SAMD12: variants seen among roughly 807,000 people sequenced by gnomAD.
SAMD12 encodes sterile alpha motif domain-containing protein 12.
SAMD12 carries 9 observed loss-of-function variants against 15.0 expected under a neutral mutation model. The ratio of observed to expected loss-of-function variants is 0.60; its 90% CI spans 0.36 to 1.05. SAMD12 has a LOEUF of 1.05. Among genes scored for constraint, SAMD12 ranks in the 50% least tolerant of loss-of-function variants. SAMD12 has a pLI of 0.01. For missense variants in SAMD12, 230 were observed against 234.2 expected (o/e 0.98, Z 0.12); for synonymous variants, 86 against 90.1 (o/e 0.96, Z 0.25).
At chr8:118,163,254 A>G in the SAMD12 span, among the ~76,000 whole-genome samples, 1 of 152,006 alleles carries the variant, frequency 6.6e-6, no homozygotes, top group African/African-American at 2.4e-5. Context: ...TAACTTTTAT[A>G]TGTTTTGTAG....
chr8:118,443,007 C>T (rs1227063632), intron 2 of SAMD12, among the ~76,000 whole-genome samples: 1 of 152,180 alleles, frequency 6.6e-6, no homozygotes, highest in Non-Finnish European at 1.5e-5. Flanking sequence ...GCATCCTCAC[C>T]AGCCCACCAT....
At chr8:118,449,815 A>AAAAC (rs1823024807) in intron 2 of SAMD12, among the ~76,000 whole-genome samples, 1 of 138,932 alleles carries the variant, frequency 7.2e-6, no homozygotes, top group African/African-American at 3.0e-5. Context: ...AAAAAAAAAA[A>AAAAC]AACAACAAAA....
At chr8:118,353,197 G>A (rs947472013) in intron 4 of SAMD12, among the ~76,000 whole-genome samples, 4 of 146,760 alleles carry the variant, frequency 2.7e-5, no homozygotes, top group African/African-American at 1.1e-4. Flanking sequence ...ATGTTCTCTT[G>A]TTACTACATG....
the SAMD12 span, among the ~76,000 whole-genome samples, chr8:118,132,536 C>G: frequency 6.6e-6 from 1 of 152,154 alleles, no homozygotes; most frequent in Non-Finnish European, 1.5e-5. Context: ...CATAGTAGCT[C>G]AGGCAGAACC....
At chr8:118,253,097 C>T (rs997140853) in intron 4 of SAMD12, among the ~76,000 whole-genome samples, 1 of 152,196 alleles carries the variant, frequency 6.6e-6, no homozygotes, top group Non-Finnish European at 1.5e-5. Flanking sequence ...AATGTGGCTG[C>T]TTTAGTGAGA....
chr8:118,434,468 A>T (rs1440080957), intron 3 of SAMD12, among the ~76,000 whole-genome samples: 1 of 152,204 alleles, frequency 6.6e-6, no homozygotes, highest in Non-Finnish European at 1.5e-5. Flanking sequence ...TCACCTCTGA[A>T]AACAAGCCTT....
At chr8:118,478,892 GAAAA>G (rs1246187425) in intron 2 of SAMD12, among the ~76,000 whole-genome samples, 2 of 152,304 alleles carry the variant, frequency 1.3e-5, no homozygotes, top group Admixed American at 1.3e-4. Context: ...CCCAAGCAAT[GAAAA>G]TATGTCATAA....
intron 3 of SAMD12, among the ~76,000 whole-genome samples, chr8:118,385,800 C>T (rs554982570): frequency 6.6e-6 from 1 of 152,232 alleles, no homozygotes; most frequent in Admixed American, 6.5e-5. Context: ...CAAATTGATG[C>T]TCTCAAGACT....
intron 1 of SAMD12, among the ~76,000 whole-genome samples, chr8:118,584,254 G>T (rs910853932): frequency 6.6e-6 from 1 of 152,080 alleles, no homozygotes; most frequent in Non-Finnish European, 1.5e-5. Context: ...AACCATTTTT[G>T]ATAGACTTTG....
At chr8:118,315,944 T>A (rs1393377627) in intron 4 of SAMD12, among the ~76,000 whole-genome samples, 5 of 152,184 alleles carry the variant, frequency 3.3e-5, no homozygotes, top group Non-Finnish European at 7.4e-5. Context: ...GAGATTTCTG[T>A]TACCATCTTC....
At chr8:118,460,238 T>C (rs1823375553) in intron 2 of SAMD12, among the ~76,000 whole-genome samples, 1 of 152,184 alleles carries the variant, frequency 6.6e-6, no homozygotes, top group African/African-American at 2.4e-5. Context: ...TAATCACACA[T>C]GGCATTGTAC....
At chr8:118,447,817 C>A (rs1354978580) in intron 2 of SAMD12, among the ~76,000 whole-genome samples, 1 of 151,698 alleles carries the variant, frequency 6.6e-6, no homozygotes, top group African/African-American at 2.4e-5. Context: ...GCTCCGCCTC[C>A]CGGGTTCACA....
intron 2 of SAMD12, among the ~76,000 whole-genome samples, chr8:118,479,934 G>A (rs1345613796): frequency 6.6e-6 from 1 of 152,078 alleles, no homozygotes; most frequent in South Asian, 2.1e-4. Flanking sequence ...GAGGGAAGGA[G>A]GGCAAAGGAG....
intron 3 of SAMD12, among the ~76,000 whole-genome samples, chr8:118,419,834 CT>C (rs1586698351): frequency 6.6e-6 from 1 of 152,304 alleles, no homozygotes; most frequent in East Asian, 1.9e-4. Flanking sequence ...TAGAAGGACA[CT>C]GTGGCAACAT....
intron 4 of SAMD12, among the ~76,000 whole-genome samples, chr8:118,317,086 G>A (rs1815956526): frequency 6.6e-6 from 1 of 152,088 alleles, no homozygotes; most frequent in Admixed American, 6.6e-5. Context: ...GACCATATGA[G>A]GACACAGGGA....
chr8:118,445,963 T>G (rs16891052), intron 2 of SAMD12, among the ~76,000 whole-genome samples: 5,004 of 152,294 alleles, frequency 0.033, 272 homozygotes, highest in African/African-American at 0.11. Context: ...AAGGCAGTAT[T>G]CTCAATGTGT....
intron 1 of SAMD12, among the ~76,000 whole-genome samples, chr8:118,617,422 G>A (rs921766482): frequency 6.6e-6 from 1 of 152,182 alleles, no homozygotes; most frequent in Non-Finnish European, 1.5e-5. Context: ...AGCACTGAAT[G>A]ACTTATCAGA....
At chr8:118,561,715 C>T (rs191796857) in intron 2 of SAMD12, among the ~76,000 whole-genome samples, 2 of 152,276 alleles carry the variant, frequency 1.3e-5, no homozygotes, top group East Asian at 3.9e-4. Context: ...CCTCCTATGA[C>T]ACATGGGAAT....
chr8:118,332,244 T>A (rs534108877), intron 4 of SAMD12, among the ~76,000 whole-genome samples: 1 of 152,378 alleles, frequency 6.6e-6, no homozygotes, highest in African/African-American at 2.4e-5. Flanking sequence ...TAGAGTAACC[T>A]TAGGTTTTTT....
Sources: gnomAD v4.1 joint callset for allele counts (sites outside exome capture counted in the v4.1 genomes callset) on GRCh38, gnomAD v4.1.1 for gene constraint, MANE v1.5 for transcripts, NCBI Gene and HGNC (gene_info 2026-07-23, HGNC 2026-07-21) for gene names.